EVI5: variants seen among roughly 807,000 people sequenced by gnomAD.
The protein encoded by EVI5 is ecotropic viral integration site 5 protein homolog.
Under a neutral mutation model 112.0 loss-of-function variants are expected in EVI5, and 73 were observed. The ratio of observed to expected loss-of-function variants is 0.65; its 90% CI spans 0.54 to 0.79. The LOEUF is 0.79. EVI5 is among the 30% of genes least tolerant of loss of function. The pLI, the probability that EVI5 is intolerant of heterozygous loss-of-function variation, is 0.00. For synonymous variants in EVI5, 305 were observed against 319.9 expected (o/e 0.95, Z 0.50); for missense variants, 900 against 968.8 (o/e 0.93, Z 0.94).
At chr1:92,655,867 G>A (rs1662910165) in intron 13 of EVI5, among the ~76,000 whole-genome samples, 1 of 152,068 alleles carries the variant, frequency 6.6e-6, no homozygotes, top group Non-Finnish European at 1.5e-5. Context: ...GACATCCTGA[G>A]ACAGTGCCTT....
In EVI5 at chr1:92,581,263, C is replaced by G. The variant is rs566770880; in HGVS notation, c.2071-17526G>C. On this transcript the variant is annotated intron_variant, in intron 18 of 19. Transcript: ENST00000684568. Reference sequence around the variant, plus strand: ...CCTAGCTAAACAAGGGCTCTTCTTACTCTTCTGAGATTTTGTTAAATATCT... The same window carrying G: ...CCTAGCTAAACAAGGGCTCTTCTTAGTCTTCTGAGATTTTGTTAAATATCT... 2.0e-5 allele frequency among the ~76,000 whole-genome samples: 3 copies of G among 152,320 alleles called. No individual in the cohort carries two copies. In the South Asian group the frequency reaches 6.2e-4, roughly 32 times the overall value.
intron 13 of EVI5, among the ~76,000 whole-genome samples, chr1:92,640,598 GA>G (rs1351328684): frequency 6.6e-6 from 1 of 152,108 alleles, no homozygotes; most frequent in Non-Finnish European, 1.5e-5. Flanking sequence ...AAAAAGCCAA[GA>G]AACAACAGAT....
At chr1:92,745,640 C>T (rs547248171) in intron 1 of EVI5, among the ~76,000 whole-genome samples, 15 of 151,926 alleles carry the variant, frequency 9.9e-5, no homozygotes, top group Non-Finnish European at 1.2e-4. Flanking sequence ...ATAATGAGAC[C>T]TCATCTCTAC....
intron 19 of EVI5, among the ~76,000 whole-genome samples, chr1:92,556,605 A>C (rs1452223311): frequency 6.6e-6 from 1 of 152,174 alleles, no homozygotes; most frequent in African/African-American, 2.4e-5. Flanking sequence ...GTGAGGACTT[A>C]ATGTATTGTC....
In EVI5 at chr1:92,646,600, A is replaced by T. The variant is rs141158989; in HGVS notation, c.1393-10264T>A. On this transcript the variant is annotated intron_variant, in intron 13 of 19. Transcript: ENST00000684568. Reference sequence around the variant, plus strand: ...GGCTCAGCGCCAAGAAACGAGCACCAAGAGTTTGTCTTGGTTGTTTTGTTC... The same window carrying T: ...GGCTCAGCGCCAAGAAACGAGCACCTAGAGTTTGTCTTGGTTGTTTTGTTC... Among the ~76,000 whole-genome samples, 419 of 152,354 alleles carry T rather than the reference A, an allele frequency of 2.8e-3. 6 individuals carry two copies. The highest frequency in any genetic ancestry group is 9.8e-3 in the African/African-American group (406 of 41,584).
chr1:92,540,086 T>C (rs1272169034), intron 19 of EVI5, among the ~76,000 whole-genome samples: 1 of 152,212 alleles, frequency 6.6e-6, no homozygotes, highest in Non-Finnish European at 1.5e-5. Flanking sequence ...TATCCAGTCA[T>C]CAGATGATTG....
At chr1:92,658,970 T>C (rs1390752693) in intron 13 of EVI5, among the ~76,000 whole-genome samples, 1 of 151,976 alleles carries the variant, frequency 6.6e-6, no homozygotes, top group Non-Finnish European at 1.5e-5. Context: ...GATAGAAACA[T>C]ACACTGAGAA....
rs371324638 is a variant in EVI5 at position 92,552,344 on chromosome 1, A to T, written c.2166+11298T>A. 7.9e-5 allele frequency among the ~76,000 whole-genome samples: 12 copies of T among 152,322 alleles called. No individual in the cohort carries two copies. The South Asian group carries it at 1.9e-3, about 24-fold the overall frequency. ...TGACTCTGAACATCAGAGAGGATAT[A>T]ACAACCATTAATTAGAATAAATGAA... is the stretch of plus-strand genomic sequence containing the variant. On this transcript the variant is annotated intron_variant, in intron 19 of 19. Transcript: ENST00000684568.
At chr1:92,620,513 GA>G (rs1654308402) in intron 16 of EVI5, among the ~76,000 whole-genome samples, 1 of 150,260 alleles carries the variant, frequency 6.7e-6, no homozygotes, top group Non-Finnish European at 1.5e-5. Context: ...AGAAAAGCTT[GA>G]AGGCAACCAG....
intron 16 of EVI5, among the ~76,000 whole-genome samples, chr1:92,612,642 G>A (rs1428212368): frequency 1.3e-5 from 2 of 148,696 alleles, no homozygotes; most frequent in Admixed American, 6.8e-5. Flanking sequence ...CCCCGGAGGC[G>A]GAGGTTGCAG....
intron 19 of EVI5, among the ~76,000 whole-genome samples, chr1:92,540,754 G>GT (rs1664655340): frequency 6.6e-6 from 1 of 151,920 alleles, no homozygotes; most frequent in Non-Finnish European, 1.5e-5. Flanking sequence ...GAATTTTTCC[G>GT]TAAGTCTCAT....
chr1:92,662,664 T>G, intron 13 of EVI5, 55 bp downstream of exon 13: 1 of 1,067,270 alleles, frequency 9.4e-7, no homozygotes, highest in South Asian at 2.1e-5. Flanking sequence ...AAAAAAAAAA[T>G]GATTGAAAGG....
Position 92,660,835 on chromosome 1 carries a change from T to C in EVI5, c.1392+1884A>G, listed in dbSNP as rs182657335. Among the ~76,000 whole-genome samples, 11 of 152,116 alleles carry C rather than the reference T, an allele frequency of 7.2e-5. No individual in the cohort carries two copies. The East Asian group carries it at 2.1e-3, about 29-fold the overall frequency. On this transcript the variant is annotated intron_variant, in intron 13 of 19. Transcript: ENST00000684568. The stretch of plus-strand genomic sequence containing the variant: ...GGGTGGTGAACCATAAAGGGAATGA[T>C]AGAAATATTATTTGTTTTGATTGTG...
intron 18 of EVI5, among the ~76,000 whole-genome samples, chr1:92,587,232 T>C (rs1299855288): frequency 2.0e-5 from 3 of 152,158 alleles, no homozygotes; most frequent in East Asian, 3.8e-4. Context: ...CGTATTTTCC[T>C]GACAATTAAT....
chr1:92,556,798 A>T (rs909588008), intron 19 of EVI5, among the ~76,000 whole-genome samples: 5 of 152,058 alleles, frequency 3.3e-5, no homozygotes, highest in Admixed American at 3.3e-4. Flanking sequence ...ATATTCACAT[A>T]ATTTTTTTCT....
At chr1:92,657,837 C>T (rs1474976980) in intron 13 of EVI5, among the ~76,000 whole-genome samples, 1 of 152,094 alleles carries the variant, frequency 6.6e-6, no homozygotes, top group African/African-American at 2.4e-5. Flanking sequence ...TTGAGGAAGG[C>T]GAAGCAGGAG....
chr1:92,522,959 C>G (rs1032515106), intron 19 of EVI5, among the ~76,000 whole-genome samples: 8 of 152,062 alleles, frequency 5.3e-5, no homozygotes, highest in Middle Eastern at 3.2e-3. Flanking sequence ...AGGTTTCACT[C>G]GGTTGCCCAG....
chr1:92,677,904 T>A (rs1040876422), intron 9 of EVI5, among the ~76,000 whole-genome samples: 3 of 152,160 alleles, frequency 2.0e-5, no homozygotes, highest in African/African-American at 7.2e-5. Context: ...CATACTGACA[T>A]CATGCACCCC....
At chr1:92,546,371 C>T (rs890160208) in intron 19 of EVI5, among the ~76,000 whole-genome samples, 4 of 151,998 alleles carry the variant, frequency 2.6e-5, no homozygotes, top group African/African-American at 9.7e-5. Flanking sequence ...AACAAAGACA[C>T]ACAAAATCTG....
Sources: gnomAD v4.1 joint callset for allele counts (sites outside exome capture counted in the v4.1 genomes callset) on GRCh38, gnomAD v4.1.1 for gene constraint, MANE v1.5 for transcripts, NCBI Gene and HGNC (gene_info 2026-07-23, HGNC 2026-07-21) for gene names.